Variants in CAMKK2 observed in about 807,000 individuals in gnomAD.
CAMKK2 encodes the protein calcium/calmodulin dependent protein kinase kinase 2, also known as calcium/calmodulin-dependent protein kinase kinase 2.
Under a neutral mutation model 67.2 loss-of-function variants are expected in CAMKK2, and 30 were observed. That is an observed-to-expected ratio of 0.45 (90% confidence interval 0.33 to 0.61). The LOEUF (loss-of-function observed/expected upper bound fraction) is 0.61. Among genes scored for constraint, CAMKK2 ranks in the 20% least tolerant of loss-of-function variants. The probability of loss-of-function intolerance (pLI) is 0.02; values close to 1 mark genes in which losing one functional copy is unlikely to be tolerated. For synonymous variants in CAMKK2, 322 were observed against 326.2 expected, an observed-to-expected ratio of 0.99 and a Z score of 0.14; for missense variants, 643 against 802.0, an observed-to-expected ratio of 0.80 and a Z score of 2.39.
chr12:121,240,449 G>A lies in CAMKK2; in HGVS notation c.*250C>T. 6.5e-7 allele frequency: 1 copy of A among 1,533,880 alleles called. No homozygotes were observed. The highest frequency in any genetic ancestry group is 1.2e-5 in the South Asian group (1 of 83,660). On this transcript the variant is annotated 3_prime_UTR_variant, in exon 17 of 17. Coordinates refer to ENST00000404169, the MANE Select transcript of CAMKK2 (RefSeq NM_001270485.2). The surrounding 1 kb of genome is among the most constrained non-coding windows in gnomAD (Gnocchi z 4.4). Reference sequence around the variant, plus strand: ...AAGCAATTGTCCCAAAATGCACGTGGGTTTGGGTCTGCAACTCCTCACACC... The same window carrying A: ...AAGCAATTGTCCCAAAATGCACGTGAGTTTGGGTCTGCAACTCCTCACACC...
intron 1 of CAMKK2, among the ~76,000 whole-genome samples, chr12:121,284,047 C>T (rs1898268816): frequency 6.6e-6 from 1 of 152,250 alleles, no homozygotes; most frequent in Admixed American, 6.5e-5. Flanking sequence ...AAGCTGAGGA[C>T]AGGCTGCCTG....
intron 1 of CAMKK2, among the ~76,000 whole-genome samples, chr12:121,289,095 G>T (rs1899412160): frequency 6.6e-6 from 1 of 152,042 alleles, no homozygotes; most frequent in Admixed American, 6.6e-5. Context: ...CAAAAGAGCG[G>T]GCTGGGTGAA....
chr12:121,246,389 T>C (rs1218354623), intron 14 of CAMKK2, among the ~76,000 whole-genome samples: 1 of 151,246 alleles, frequency 6.6e-6, no homozygotes. Context: ...CCACTAAAAA[T>C]ACAAAAATTA....
intron 2 of CAMKK2, among the ~76,000 whole-genome samples, chr12:121,273,678 A>T (rs1169267665): frequency 1.3e-5 from 2 of 151,788 alleles, no homozygotes; most frequent in Non-Finnish European, 2.9e-5. Context: ...GGTCACACAC[A>T]CCTGCCCCAG....
At chr12:121,294,338 T>C (rs1317608505) in intron 1 of CAMKK2, among the ~76,000 whole-genome samples, 3 of 152,178 alleles carry the variant, frequency 2.0e-5, no homozygotes, top group East Asian at 1.9e-4. Flanking sequence ...TAGCATCATT[T>C]TGACAACCAA....
At chr12:121,294,343 A>G (rs1900714023) in intron 1 of CAMKK2, among the ~76,000 whole-genome samples, 2 of 152,114 alleles carry the variant, frequency 1.3e-5, no homozygotes, top group African/African-American at 4.8e-5. Context: ...TCATTTTGAC[A>G]ACCAAAAGTC....
At chr12:121,282,562 C>T (rs990945255) in intron 1 of CAMKK2, among the ~76,000 whole-genome samples, 4 of 151,976 alleles carry the variant, frequency 2.6e-5, no homozygotes, top group Non-Finnish European at 4.4e-5. Flanking sequence ...GAAGGCCACA[C>T]GGAGATGGAG....
Position 121,258,347 on chromosome 12 carries a change from T to C in CAMKK2, c.796+1972A>G, listed in dbSNP as rs59139671. On this transcript the variant is annotated intron_variant, in intron 7 of 16. Coordinates refer to ENST00000404169, the MANE Select transcript of CAMKK2 (RefSeq NM_001270485.2). ...CCCCCTCCTCCACCTTTTTTTGTTT[T>C]ATTGAGACAGGGTCTTACTCTGTCG... Among the ~76,000 whole-genome samples, 937 of 152,176 alleles carry C rather than the reference T, an allele frequency of 6.2e-3. 8 individuals are homozygous for C. The highest frequency in any genetic ancestry group is 0.022 in the African/African-American group (893 of 41,516).
rs1891116779 is a variant in CAMKK2, at chr12:121,253,111, CTGTT to C, written c.1107+158_1107+161del. ...ACTGAAAGATGGCGGGAGATGGTTT[CTGTT>C]TGAGTCCCTGGATCTAGCCAAGCCT... On this transcript the variant is annotated intron_variant, in intron 10 of 16. Coordinates refer to ENST00000404169, the MANE Select transcript of CAMKK2 (RefSeq NM_001270485.2). The surrounding 1 kb of genome is among the most constrained non-coding windows in gnomAD (Gnocchi z 5.0). 1 of 647,412 alleles carries C rather than the reference CTGTT, an allele frequency of 1.5e-6. No individual in the cohort carries two copies. The highest frequency in any genetic ancestry group is 1.8e-5 in the African/African-American group (1 of 54,752). The allele number at this position is 647,412 out of a possible 1,614,324, so 40.1% of individuals were successfully genotyped here.
At chr12:121,269,255 C>T (rs1895247053) in intron 4 of CAMKK2, among the ~76,000 whole-genome samples, 3 of 152,198 alleles carry the variant, frequency 2.0e-5, no homozygotes, top group African/African-American at 4.8e-5. Context: ...CTGCCTTGTT[C>T]TCAATACTAT....
chr12:121,249,732 G>A (rs1890267379), intron 13 of CAMKK2, 55 bp downstream of exon 13: 2 of 1,438,406 alleles, frequency 1.4e-6, no homozygotes, highest in Non-Finnish European at 2.0e-6. Flanking sequence ...GTCTGGCTGA[G>A]GCATGGCTGA....
chr12:121,273,042 T>A (rs1896071980), intron 2 of CAMKK2, among the ~76,000 whole-genome samples: 1 of 152,156 alleles, frequency 6.6e-6, no homozygotes, highest in Non-Finnish European at 1.5e-5. Flanking sequence ...GAAATGATCC[T>A]ATGGAGCTTA....
chr12:121,242,750 C>CTT (rs62818660), intron 16 of CAMKK2, among the ~76,000 whole-genome samples: 22 of 150,308 alleles, frequency 1.5e-4, no homozygotes, highest in African/African-American at 4.1e-4. Flanking sequence ...TTTTTCTTTT[C>CTT]TTTTTTTTTT....
chr12:121,265,695 T>C (rs1173560194), intron 5 of CAMKK2, among the ~76,000 whole-genome samples: 2 of 151,918 alleles, frequency 1.3e-5, no homozygotes, highest in Non-Finnish European at 2.9e-5. Context: ...CCGTCTCTAC[T>C]AAAAATACAA....
chr12:121,270,463 G>A (rs1895538235), intron 3 of CAMKK2, among the ~76,000 whole-genome samples: 1 of 151,428 alleles, frequency 6.6e-6, no homozygotes, highest in South Asian at 2.1e-4. Context: ...TTAATGGTTT[G>A]CCACTGTCCT....
At chr12:121,269,606 C>T in intron 3 of CAMKK2, 25 bp from the exon 4 acceptor site, 1 of 1,583,914 alleles carries the variant, frequency 6.3e-7, no homozygotes, top group Non-Finnish European at 8.6e-7. Flanking sequence ...ATGCCCATGA[C>T]ATACTATCCA....
chr12:121,253,840 C>A lies in CAMKK2; in HGVS notation c.908-368G>T, dbSNP rs758300660. 6.6e-6 allele frequency among the ~76,000 whole-genome samples: 1 copy of A among 152,144 alleles called. No homozygotes were observed. On this transcript the variant is annotated intron_variant, in intron 9 of 16. Transcript: ENST00000404169. The surrounding 1 kb of genome is among the most constrained non-coding windows in gnomAD (Gnocchi z 5.0). Reference sequence around the variant, plus strand: ...GCTAGTTGTGAAACTGACAGTGAAACATAGTTTCATTTACCAACAGCCAAT... The same window carrying A: ...GCTAGTTGTGAAACTGACAGTGAAAAATAGTTTCATTTACCAACAGCCAAT...
chr12:121,288,848 G>C (rs564765295), intron 1 of CAMKK2, among the ~76,000 whole-genome samples: 16 of 142,698 alleles, frequency 1.1e-4, no homozygotes, highest in African/African-American at 3.5e-4. Context: ...ATAAAAAGAG[G>C]CAACATAAAA....
Position 121,270,882 on chromosome 12 carries a change from C to A in CAMKK2, c.519+16G>T, listed in dbSNP as rs767324451. On this transcript the variant is annotated intron_variant, in intron 3 of 16. Transcript: ENST00000404169. ...TGGTGAATGCAGAAAGCCAGCCTAG[C>A]CCCAGGGATATTTACCTTTCCAATT... 6.8e-6 allele frequency: 11 copies of A among 1,608,782 alleles called. No homozygotes were observed. Among genetic ancestry groups the A allele is most frequent in the Non-Finnish European group, 9.4e-6 (11 of 1,175,236 alleles).
Sources: allele counts gnomAD v4.1 joint callset (sites outside exome capture counted in the v4.1 genomes callset), GRCh38; gene constraint gnomAD v4.1.1; non-coding constraint Gnocchi (gnomAD v3.1); transcripts MANE v1.5; gene names NCBI Gene and HGNC (gene_info 2026-07-23, HGNC 2026-07-21).